GSR: variants seen among roughly 807,000 people sequenced by gnomAD.
The protein encoded by GSR is glutathione reductase, mitochondrial.
A neutral mutation model predicts 56.5 loss-of-function variants in GSR; 48 were observed. The ratio of observed to expected loss-of-function variants is 0.85; its 90% CI spans 0.67 to 1.08. GSR has a LOEUF of 1.08. Among genes scored for constraint, GSR ranks in the 50% least tolerant of loss-of-function variants. GSR has a pLI of 0.00. For synonymous variants in GSR, 264 were observed against 270.8 expected (o/e 0.97, Z 0.25); for missense variants, 694 against 703.3 (o/e 0.99, Z 0.15).
At chr8:30,709,703 T>A (rs895975890) in intron 3 of GSR, 111 bp downstream of exon 3, 2 of 722,842 alleles carry the variant, frequency 2.8e-6, no homozygotes, top group Non-Finnish European at 5.1e-6. Context: ...AAATCTCGTA[T>A]TGTGAATATT....
At position 30,727,632 on chromosome 8, in the gene GSR, C is replaced by G; in HGVS notation, c.204G>C (p.Leu68=). Residue 68 remains leucine (L), a synonymous_variant, in exon 1 of 13, where the codon CTG becomes CTC. Transcript: ENST00000221130. ...AAGAVASYDY[L]VIGGGSGGLA... ...GCCCGCCCGAGCCGCCCCCGATCAC[C>G]AGGTAGTCATAGGAGGCCACGGCGC... The G allele has an allele frequency of 6.6e-7, 1 of 1,506,054 alleles. No homozygotes were observed. The highest frequency in any genetic ancestry group is 8.8e-7 in the Non-Finnish European group (1 of 1,134,436). 93.3% of individuals were successfully genotyped at this position (1,506,054 alleles called of 1,614,324 possible).
chr8:30,712,070 G>A lies in GSR; in HGVS notation c.325C>T (p.Pro109Ser), dbSNP rs371189518. The A allele has an allele frequency of 2.9e-5, 41 of 1,427,106 alleles. No homozygotes were observed. The highest frequency in any genetic ancestry group is 1.7e-4 in the Middle Eastern group (1 of 5,726). 88.4% of individuals were successfully genotyped at this position (1,427,106 alleles called of 1,614,324 possible). A position where few individuals can be genotyped will look rare whatever the true frequency, so the allele number is the denominator to read the frequency against. The change falls in exon 2 of 13, where the codon CCC (proline) becomes TCC (serine). Residue 109 changes from proline to serine, a missense_variant. Pro to Ser is a moderately conservative substitution (Grantham distance 74, BLOSUM62 -1). Coordinates refer to ENST00000221130, the MANE Select transcript of GSR (RefSeq NM_000637.5). The stretch of plus-strand genomic sequence containing the variant: ...AGAAATAAAAATTCTACCTTTTTGG[G>A]TACACATCCAACATTCACCTGGAAA... ...GGTCVNVGCVPKKVMWNTAVH... is the reference protein window; with the variant it reads ...GGTCVNVGCVSKKVMWNTAVH...
At position 30,703,202 on chromosome 8, in the gene GSR, C is replaced by A. The variant is rs147119692; in HGVS notation, c.531G>T (p.Thr177=). Residue 177 remains threonine (T), a synonymous_variant, in exon 5 of 13, where the codon ACG becomes ACT. Coordinates refer to ENST00000221130, the MANE Select transcript of GSR (RefSeq NM_000637.5). ...CCTCTATTGTGGGCTTGGGATCACT[C>A]GTGAAGGCTGCATGGCCACGGATGA... is the stretch of plus-strand genomic sequence containing the variant. ...IEIIRGHAAF[T]SDPKPTIEVS... 715 of 1,613,974 alleles carry A rather than the reference C, an allele frequency of 4.4e-4. 1 individual carries two copies. Among genetic ancestry groups the A allele is most frequent in the Non-Finnish European group, 5.8e-4 (679 of 1,179,914 alleles).
chr8:30,700,566 A>G (rs1390746986), intron 5 of GSR, among the ~76,000 whole-genome samples: 3 of 151,958 alleles, frequency 2.0e-5, no homozygotes, highest in Admixed American at 6.6e-5. Flanking sequence ...TCTACTAAAA[A>G]TACAAAAATT....
At chr8:30,719,273 AAT>A (rs138296395) in intron 1 of GSR, among the ~76,000 whole-genome samples, 114,489 of 149,838 alleles carry the variant, frequency 0.76, 48,077 homozygotes, top group Non-Finnish European at 0.94. Context: ...CACCTGGATA[AAT>A]TTTTTTTTTT....
chr8:30,707,717 G>A (rs1287262541), intron 4 of GSR, among the ~76,000 whole-genome samples: 1 of 152,066 alleles, frequency 6.6e-6, no homozygotes, highest in Admixed American at 6.6e-5. Context: ...CACTTTGAGA[G>A]GACAAGGTGG....
chr8:30,725,251 T>C (rs1213020329), intron 1 of GSR, among the ~76,000 whole-genome samples: 1 of 151,926 alleles, frequency 6.6e-6, no homozygotes, highest in African/African-American at 2.4e-5. Flanking sequence ...GAGACCAGTT[T>C]GGGCAACATG....
chr8:30,712,046 G>C lies in GSR; in HGVS notation c.333+16C>G, dbSNP rs751769837. ...AGAAAAAGGATTGTAAAGGGAAAGA[G>C]AAATAAAAATTCTACCTTTTTGGGT... is the stretch of plus-strand genomic sequence containing the variant. On this transcript the variant is annotated intron_variant, in intron 2 of 12. Coordinates refer to ENST00000221130, the MANE Select transcript of GSR (RefSeq NM_000637.5). The C allele has an allele frequency of 1.2e-5, 15 of 1,270,468 alleles. No homozygotes were observed. The highest frequency in any genetic ancestry group is 1.7e-5 in the Non-Finnish European group (15 of 876,602). 78.7% of individuals were successfully genotyped at this position (1,270,468 alleles called of 1,614,324 possible). A position where few individuals can be genotyped will look rare whatever the true frequency, so the allele number is the denominator to read the frequency against.
intron 1 of GSR, among the ~76,000 whole-genome samples, chr8:30,717,741 T>C (rs1267472985): frequency 2.0e-5 from 3 of 151,218 alleles, no homozygotes; most frequent in South Asian, 2.1e-4. Flanking sequence ...GTCTAGTTTA[T>C]GGTGAGTTGC....
chr8:30,689,240 G>A lies in GSR; in HGVS notation c.962C>T (p.Thr321Ile), dbSNP rs1393196534. The A allele has an allele frequency of 1.2e-6, 2 of 1,613,716 alleles. No individual in the cohort carries two copies. Among genetic ancestry groups the A allele is most frequent in the East Asian group, 2.2e-5 (1 of 44,886 alleles). The change falls in exon 9 of 13, where the codon ACC becomes ATC. Residue 321 changes from threonine to isoleucine, a missense_variant. Transcript: ENST00000221130. ...TAVPGRLPVM[T>I]MIPDVDCLLW... ...CAGGCAGTCAACATCTGGAATCATG[G>A]TCATGACTGGTAGCCTACCGGGAAC...
At chr8:30,683,589 G>A (rs8191025) in intron 10 of GSR, among the ~76,000 whole-genome samples, 1,746 of 152,012 alleles carry the variant, frequency 0.011, 35 homozygotes, top group African/African-American at 0.04. Context: ...TTAAGCACAG[G>A]GGTTCAAGAC....
intron 11 of GSR, among the ~76,000 whole-genome samples, chr8:30,681,272 G>A (rs929162887): frequency 1.3e-5 from 2 of 152,214 alleles, no homozygotes; most frequent in African/African-American, 4.8e-5. Flanking sequence ...GCTCATGCCT[G>A]TAATCCCTGC....
At chr8:30,681,160 C>G (rs1157249419) in intron 11 of GSR, 123 bp from the exon 12 acceptor site, 2 of 803,940 alleles carry the variant, frequency 2.5e-6, no homozygotes, top group East Asian at 4.9e-5. Context: ...CAAACCACGC[C>G]AAAATGAGAA....
chr8:30,718,926 T>G (rs114405020), intron 1 of GSR, among the ~76,000 whole-genome samples: 116,015 of 150,820 alleles, frequency 0.77, 48,956 homozygotes, highest in Non-Finnish European at 0.94. Flanking sequence ...TTTTGTTTTT[T>G]TTTTTTGCTT....
intron 10 of GSR, 78 bp from the exon 11 acceptor site, chr8:30,682,139 C>T (rs1407506179): frequency 8.5e-7 from 1 of 1,171,898 alleles, no homozygotes; most frequent in Admixed American, 1.7e-5. Context: ...AGCCATTTAT[C>T]CATCTACCTT....
intron 10 of GSR, among the ~76,000 whole-genome samples, chr8:30,682,984 C>T (rs983254400): frequency 3.3e-5 from 5 of 151,924 alleles, no homozygotes; most frequent in Non-Finnish European, 7.4e-5. Context: ...TGTGCCACCA[C>T]GCCCAGCTAA....
rs1304572612 is a variant in GSR, at chr8:30,712,177, C to T, written c.307-89G>A. ...CAAGAAATGCACGCTAAGCATCAAG[C>T]GAGGAGTCTTCCTTGGGTTCTAAGT... On this transcript the variant is annotated intron_variant, in intron 1 of 12. Transcript: ENST00000221130. The T allele has an allele frequency of 2.5e-5, 18 of 709,524 alleles. No homozygotes were observed. In the East Asian group the frequency reaches 3.6e-4, roughly 14 times the overall value. 44.0% of individuals were successfully genotyped at this position (709,524 alleles called of 1,614,324 possible). A position where few individuals can be genotyped will look rare whatever the true frequency, so the allele number is the denominator to read the frequency against.
intron 6 of GSR, among the ~76,000 whole-genome samples, chr8:30,699,755 T>C (rs538938960): frequency 6.6e-6 from 1 of 152,162 alleles, no homozygotes; most frequent in African/African-American, 2.4e-5. Flanking sequence ...AAACCAGCTA[T>C]TCTATTCTAA....
chr8:30,726,351 G>A (rs1390644847), intron 1 of GSR, among the ~76,000 whole-genome samples: 3 of 152,076 alleles, frequency 2.0e-5, no homozygotes, highest in African/African-American at 7.2e-5. Flanking sequence ...CATCTCCAAA[G>A]GAATTTAGAG....
Sources: gnomAD v4.1 joint callset for allele counts (sites outside exome capture counted in the v4.1 genomes callset) on GRCh38, gnomAD v4.1.1 for gene constraint, MANE v1.5 for transcripts, NCBI Gene and HGNC (gene_info 2026-07-23, HGNC 2026-07-21) for gene names.